Variants in RSPO4 observed in about 807,000 individuals in gnomAD.
The protein encoded by RSPO4 is R-spondin 4.
In RSPO4, 23 loss-of-function variants were observed where a neutral mutation model predicts 24.8. That is an observed-to-expected ratio of 0.93 (90% confidence interval 0.67 to 1.31). The LOEUF is 1.31. Among genes scored for constraint, RSPO4 ranks in the 40% most tolerant of loss-of-function variants. The pLI, the probability that RSPO4 is intolerant of heterozygous loss-of-function variation, is 0.00. For synonymous variants in RSPO4, 141 were observed against 127.4 expected (o/e 1.11, Z -0.72); for missense variants, 333 against 316.5 (o/e 1.05, Z -0.39).
At chr20:972,608 C>T (rs151237127) in intron 1 of RSPO4, among the ~76,000 whole-genome samples, 7 of 152,340 alleles carry the variant, frequency 4.6e-5, no homozygotes, top group Non-Finnish European at 8.8e-5. Flanking sequence ...AGAAAGACAG[C>T]TTGGCGTGGC....
chr20:976,079 T>C (rs575637483), intron 1 of RSPO4, among the ~76,000 whole-genome samples: 1 of 152,340 alleles, frequency 6.6e-6, no homozygotes, highest in East Asian at 1.9e-4. Context: ...CCCTCGTCTC[T>C]GTGGGCCTCA....
chr20:984,900 CCCATCCAT>C (rs145687007), intron 1 of RSPO4, among the ~76,000 whole-genome samples: 2 of 147,216 alleles, frequency 1.4e-5, no homozygotes, highest in African/African-American at 2.5e-5. Context: ...TCTATCCATC[CCCATCCAT>C]CCATCCATCC....
intron 1 of RSPO4, among the ~76,000 whole-genome samples, chr20:984,564 T>G (rs1408378856): frequency 6.6e-6 from 1 of 152,186 alleles, no homozygotes; most frequent in Non-Finnish European, 1.5e-5. Flanking sequence ...GAGTTGGGAA[T>G]GCAGTTTGGG....
At chr20:968,410 G>T (rs1392857498) in intron 1 of RSPO4, among the ~76,000 whole-genome samples, 2 of 152,222 alleles carry the variant, frequency 1.3e-5, no homozygotes, top group Admixed American at 1.3e-4. Context: ...CATCCTTTCT[G>T]TTGGGTGGAA....
intron 3 of RSPO4, among the ~76,000 whole-genome samples, chr20:964,675 T>C (rs1172881618): frequency 2.7e-5 from 4 of 150,316 alleles, no homozygotes; most frequent in African/African-American, 1.0e-4. Flanking sequence ...AAAATACATA[T>C]ATACATGTAT....
chr20:958,759 C>T lies in RSPO4; in HGVS notation c.*1598G>A, dbSNP rs1289103517. On this transcript the variant is annotated 3_prime_UTR_variant, in exon 5 of 5. Coordinates refer to ENST00000217260, the MANE Select transcript of RSPO4 (RefSeq NM_001029871.4). ...ATTTCATCACCTAGAGCCTCTCCCC[C>T]AGCCTGCTGACCATCTTCCTTCCCC... is the stretch of plus-strand genomic sequence containing the variant. 1 of 152,352 alleles carries T rather than the reference C, an allele frequency of 6.6e-6. No homozygotes were observed. The highest frequency in any genetic ancestry group is 1.5e-5 in the Non-Finnish European group (1 of 68,180). The allele number at this position is 152,352 out of a possible 1,614,324, so 9.4% of individuals were successfully genotyped here.
chr20:1,002,200 G>A lies in RSPO4; in HGVS notation c.-36C>T, dbSNP rs768594197. 6.8e-6 allele frequency: 10 copies of A among 1,478,636 alleles called. No individual in the cohort carries two copies. Among genetic ancestry groups the A allele is most frequent in the African/African-American group, 1.5e-5 (1 of 68,320 alleles). 91.6% of individuals were successfully genotyped at this position (1,478,636 alleles called of 1,614,324 possible). On this transcript the variant is annotated 5_prime_UTR_variant, in exon 1 of 5. Transcript: ENST00000217260. The surrounding 1 kb of genome is among the most constrained non-coding windows in gnomAD (Gnocchi z 4.6). The stretch of plus-strand genomic sequence containing the variant: ...GGATCCGGGCTGGCGCTCCCCAGGC[G>A]GCCCGACGGCCCAAGGGCCCCACGT...
At chr20:998,583 G>A (rs772418938) in intron 1 of RSPO4, among the ~76,000 whole-genome samples, 1 of 152,204 alleles carries the variant, frequency 6.6e-6, no homozygotes, top group African/African-American at 2.4e-5. Flanking sequence ...GCTCAGAGAG[G>A]GCAGATGCCA....
chr20:990,472 TC>T (rs139223202), intron 1 of RSPO4, among the ~76,000 whole-genome samples: 6,134 of 151,874 alleles, frequency 0.04, 221 homozygotes, highest in Middle Eastern at 0.12. Context: ...TTTCCTTCCT[TC>T]CTTCCTTCTT....
chr20:1,002,072 G>A lies in RSPO4; in HGVS notation c.79+14C>T, dbSNP rs2122289650. On this transcript the variant is annotated intron_variant, in intron 1 of 4. Coordinates refer to ENST00000217260, the MANE Select transcript of RSPO4 (RefSeq NM_001029871.4). The surrounding 1 kb of genome is among the most constrained non-coding windows in gnomAD (Gnocchi z 4.6). Reference sequence around the variant, plus strand: ...AGCGCCTGCCCGGCCGCCCTGCCCAGCCACCCCTTGTACCTTGCTTCTTCC... The same window carrying A: ...AGCGCCTGCCCGGCCGCCCTGCCCAACCACCCCTTGTACCTTGCTTCTTCC... 6.5e-7 allele frequency: 1 copy of A among 1,549,024 alleles called. No individual in the cohort carries two copies. The highest frequency in any genetic ancestry group is 8.7e-7 in the Non-Finnish European group (1 of 1,145,596).
intron 1 of RSPO4, among the ~76,000 whole-genome samples, chr20:997,857 A>G (rs556563620): frequency 4.6e-5 from 7 of 152,344 alleles, no homozygotes; most frequent in African/African-American, 1.7e-4. Flanking sequence ...CGGATGCACC[A>G]CAAGCAAGAG....
intron 3 of RSPO4, among the ~76,000 whole-genome samples, chr20:964,695 TAC>T (rs149613212): frequency 0.037 from 5,448 of 148,576 alleles, 362 homozygotes; most frequent in African/African-American, 0.13. Flanking sequence ...TATATATATA[TAC>T]ACACACACAC....
chr20:982,656 A>T (rs1984776738), intron 1 of RSPO4, among the ~76,000 whole-genome samples: 1 of 152,150 alleles, frequency 6.6e-6, no homozygotes, highest in African/African-American at 2.4e-5. Context: ...TTTGTCCCGT[A>T]GTGGGCTGGT....
Position 964,125 on chromosome 20 carries a change from G to T in RSPO4, c.410-5C>A, listed in dbSNP as rs1441724064. 1.2e-6 allele frequency: 2 copies of T among 1,606,272 alleles called. No homozygotes were observed. The highest frequency in any genetic ancestry group is 8.5e-7 in the Non-Finnish European group (1 of 1,175,114). The stretch of plus-strand genomic sequence containing the variant: ...AGGGACCCAGTTCACACTCCCCTGT[G>T]GGGTGAAAGGAGAGACAGACAGACA... On this transcript the variant is annotated splice_region_variant and splice_polypyrimidine_tract_variant and intron_variant, in intron 3 of 4. Transcript: ENST00000217260.
At chr20:991,261 A>G (rs961470800) in intron 1 of RSPO4, among the ~76,000 whole-genome samples, 8 of 152,096 alleles carry the variant, frequency 5.3e-5, no homozygotes, top group Non-Finnish European at 8.8e-5. Context: ...TTCTTGTAAG[A>G]CCTTCTCATA....
In RSPO4 at chr20:960,034, G is replaced by C. The variant is rs1983934081; in HGVS notation, c.*323C>G. 1 of 423,372 alleles carries C rather than the reference G, an allele frequency of 2.4e-6. No homozygotes were observed. The highest frequency in any genetic ancestry group is 4.3e-6 in the Non-Finnish European group (1 of 230,936). The allele number at this position is 423,372 out of a possible 1,614,324, so 26.2% of individuals were successfully genotyped here. On this transcript the variant is annotated 3_prime_UTR_variant, in exon 5 of 5. Transcript: ENST00000217260. Reference sequence around the variant, plus strand: ...TGTGTGTGAGAGGGAGACAAGAGGAGGGAGAGAGAGAAGGATGCGGTGAAG... The same window carrying C: ...TGTGTGTGAGAGGGAGACAAGAGGACGGAGAGAGAGAAGGATGCGGTGAAG...
chr20:965,828 G>A (rs995665077), intron 3 of RSPO4, among the ~76,000 whole-genome samples: 4 of 152,204 alleles, frequency 2.6e-5, no homozygotes, highest in Non-Finnish European at 4.4e-5. Context: ...ATGTCCTTGA[G>A]TGCAGAGGCT....
chr20:961,876 G>C (rs140702077), intron 4 of RSPO4, among the ~76,000 whole-genome samples: 1 of 150,620 alleles, frequency 6.6e-6, no homozygotes, highest in Admixed American at 6.6e-5. Flanking sequence ...CATCCACCTA[G>C]GCACCCACCC....
Position 990,736 on chromosome 20 carries a change from G to C in RSPO4, c.79+11350C>G, listed in dbSNP as rs1297492558. Reference sequence around the variant, plus strand: ...CTTGTGGGGGATTTTGAGCCCCTGTGGGGTGTTGTTCAAGCCAATGTCACT... The same window carrying C: ...CTTGTGGGGGATTTTGAGCCCCTGTCGGGTGTTGTTCAAGCCAATGTCACT... On this transcript the variant is annotated intron_variant, in intron 1 of 4. Coordinates refer to ENST00000217260, the MANE Select transcript of RSPO4 (RefSeq NM_001029871.4). 3.9e-5 allele frequency among the ~76,000 whole-genome samples: 6 copies of C among 152,188 alleles called. No homozygotes were observed. The East Asian group carries it at 1.2e-3, about 29-fold the overall frequency.
Sources: gnomAD v4.1 joint callset for allele counts (sites outside exome capture counted in the v4.1 genomes callset) on GRCh38, gnomAD v4.1.1 for gene constraint, Gnocchi (gnomAD v3.1) non-coding constraint, MANE v1.5 for transcripts, NCBI Gene and HGNC (gene_info 2026-07-23, HGNC 2026-07-21) for gene names.